EXOC6B: variants seen among roughly 807,000 people sequenced by gnomAD.
The protein encoded by EXOC6B is exocyst complex component 6B.
A neutral mutation model predicts 113.5 loss-of-function variants in EXOC6B; 54 were observed. The observed-to-expected ratio is 0.48, with a 90% CI of 0.38 to 0.60. The LOEUF (loss-of-function observed/expected upper bound fraction) is 0.60, where lower values mean the gene tolerates loss of function less well. EXOC6B is among the 20% of genes least tolerant of loss of function. The pLI, the probability that EXOC6B is intolerant of heterozygous loss-of-function variation, is 0.00. For missense variants in EXOC6B, 797 were observed against 977.5 expected (o/e 0.82, Z 2.46); for synonymous variants, 357 against 339.0 (o/e 1.05, Z -0.58).
rs185404285 is a variant in EXOC6B, at chr2:72,646,086, C to T, written c.670-70418G>A. 2.0e-3 allele frequency among the ~76,000 whole-genome samples: 301 copies of T among 151,966 alleles called. 2 individuals carry two copies. The highest frequency in any genetic ancestry group is 3.4e-3 in the Middle Eastern group (1 of 294). On this transcript the variant is annotated intron_variant, in intron 6 of 21. Coordinates refer to ENST00000272427, the MANE Select transcript of EXOC6B (RefSeq NM_015189.3). ...AGAAAAGAGAGAAGAATCAAATAGA[C>T]GCAATAAAAAATGATAAAGGGGATA... is the stretch of plus-strand genomic sequence containing the variant.
At chr2:72,550,367 G>C (rs6742312) in intron 8 of EXOC6B, among the ~76,000 whole-genome samples, 132,739 of 152,120 alleles carry the variant, frequency 0.87, 58,094 homozygotes, top group East Asian at 0.99. Flanking sequence ...ACATGCTTTG[G>C]TCCTTCCTTT....
chr2:72,720,298 T>C (rs1166113140), intron 5 of EXOC6B, among the ~76,000 whole-genome samples: 1 of 152,112 alleles, frequency 6.6e-6, no homozygotes, highest in East Asian at 1.9e-4. Context: ...ATAATTACAT[T>C]AAATGTGAAT....
intron 19 of EXOC6B, among the ~76,000 whole-genome samples, chr2:72,368,547 C>T (rs1690784295): frequency 6.6e-6 from 1 of 152,258 alleles, no homozygotes; most frequent in African/African-American, 2.4e-5. Context: ...TAAAGCCTGG[C>T]AGAGACACAA....
At chr2:72,358,426 G>A (rs757645636) in intron 19 of EXOC6B, among the ~76,000 whole-genome samples, 2 of 152,110 alleles carry the variant, frequency 1.3e-5, no homozygotes, top group African/African-American at 2.4e-5. Flanking sequence ...CAAAATTGAA[G>A]TTGTAATACA....
chr2:72,459,401 G>C (rs1697477350), intron 18 of EXOC6B, among the ~76,000 whole-genome samples: 1 of 152,306 alleles, frequency 6.6e-6, no homozygotes, highest in African/African-American at 2.4e-5. Flanking sequence ...ATTAGGAAAA[G>C]AGGAAGTCAA....
At chr2:72,381,663 A>G (rs1691682508) in intron 18 of EXOC6B, among the ~76,000 whole-genome samples, 1 of 152,224 alleles carries the variant, frequency 6.6e-6, no homozygotes, top group African/African-American at 2.4e-5. Context: ...ACTGTGATCC[A>G]TAATGCATAT....
chr2:72,234,533 C>A (rs1227733953), intron 20 of EXOC6B, among the ~76,000 whole-genome samples: 2 of 152,088 alleles, frequency 1.3e-5, no homozygotes, highest in Non-Finnish European at 2.9e-5. Context: ...ACACCAAAAG[C>A]AATTGCAACA....
chr2:72,476,668 TTCC>T (rs1698766339), intron 17 of EXOC6B, among the ~76,000 whole-genome samples: 1 of 152,126 alleles, frequency 6.6e-6, no homozygotes, highest in South Asian at 2.1e-4. Flanking sequence ...AGTTCTTCCC[TTCC>T]TTTCAATGAA....
chr2:72,799,896 C>G (rs1325630980), intron 1 of EXOC6B, among the ~76,000 whole-genome samples: 1 of 152,006 alleles, frequency 6.6e-6, no homozygotes, highest in Non-Finnish European at 1.5e-5. Flanking sequence ...AAAACCCCAT[C>G]TCTACAAAAA....
intron 16 of EXOC6B, among the ~76,000 whole-genome samples, chr2:72,485,262 C>G (rs919262674): frequency 6.6e-6 from 1 of 152,134 alleles, no homozygotes; most frequent in Non-Finnish European, 1.5e-5. Flanking sequence ...GTTTCCATTC[C>G]CAACTATAAA....
intron 7 of EXOC6B, 27 bp downstream of exon 7, chr2:72,575,465 C>T: frequency 6.3e-7 from 1 of 1,588,642 alleles, no homozygotes; most frequent in Non-Finnish European, 8.5e-7. Context: ...AAAATAGTCT[C>T]ACTTCCCAAC....
At chr2:72,452,656 T>C (rs1353254680) in intron 18 of EXOC6B, among the ~76,000 whole-genome samples, 1 of 152,172 alleles carries the variant, frequency 6.6e-6, no homozygotes, top group Non-Finnish European at 1.5e-5. Flanking sequence ...GGAATAAGCA[T>C]AGTATGTTTG....
chr2:72,367,763 T>C (rs1187885922), intron 19 of EXOC6B, among the ~76,000 whole-genome samples: 1 of 152,134 alleles, frequency 6.6e-6, no homozygotes, highest in Non-Finnish European at 1.5e-5. Flanking sequence ...GGACTTTACA[T>C]TGAACTCAGT....
In EXOC6B at chr2:72,243,449, T is replaced by C. The variant is rs1018669565; in HGVS notation, c.2197-59262A>G. On this transcript the variant is annotated intron_variant, in intron 20 of 21. Transcript: ENST00000272427. ...TGAGTTCATGTCCATTGCAGGGACA[T>C]GGATGAAGCTGGAAACCATCATTCT... Among the ~76,000 whole-genome samples, 35 of 152,254 alleles carry C rather than the reference T, an allele frequency of 2.3e-4. 1 individual carries two copies. Among genetic ancestry groups the C allele is most frequent in the African/African-American group, 7.0e-4 (29 of 41,538 alleles).
chr2:72,198,322 C>A (rs1191891787), intron 20 of EXOC6B, among the ~76,000 whole-genome samples: 1 of 152,162 alleles, frequency 6.6e-6, no homozygotes, highest in African/African-American at 2.4e-5. Flanking sequence ...GAGCAGGCTG[C>A]CTCCTCCTTT....
chr2:72,369,394 C>T (rs1251659886), intron 19 of EXOC6B, among the ~76,000 whole-genome samples: 8 of 152,186 alleles, frequency 5.3e-5, no homozygotes, highest in Non-Finnish European at 8.8e-5. Context: ...ATTTCGTGCT[C>T]ATGGGTAGGA....
intron 18 of EXOC6B, among the ~76,000 whole-genome samples, chr2:72,457,961 G>C (rs1313660934): frequency 6.6e-6 from 1 of 152,020 alleles, no homozygotes; most frequent in Non-Finnish European, 1.5e-5. Flanking sequence ...CTCTCTCTCT[G>C]TGTCACACAC....
At chr2:72,442,273 C>G (rs112930199) in intron 18 of EXOC6B, among the ~76,000 whole-genome samples, 3 of 151,980 alleles carry the variant, frequency 2.0e-5, no homozygotes, top group Non-Finnish European at 4.4e-5. Flanking sequence ...GACCCATGTA[C>G]GACAAACTCA....
chr2:72,767,832 A>AAAAAAAAAAAAAAAAAAAAAAAAC (rs1269469333), intron 1 of EXOC6B, among the ~76,000 whole-genome samples: 1 of 141,064 alleles, frequency 7.1e-6, no homozygotes, highest in East Asian at 2.1e-4. Flanking sequence ...AAAAAAAAAA[A>AAAAAAAAAAAAAAAAAAAAAAAAC]AGACCAAGTC....
Sources: allele counts gnomAD v4.1 joint callset (sites outside exome capture counted in the v4.1 genomes callset), GRCh38; gene constraint gnomAD v4.1.1; transcripts MANE v1.5; gene names NCBI Gene and HGNC (gene_info 2026-07-23, HGNC 2026-07-21).